The following LIPA variants were observed in gnomAD, a reference collection of about 807,000 sequenced individuals.
LIPA encodes lipase A, lysosomal acid type.
A neutral mutation model predicts 40.6 loss-of-function variants in LIPA; 26 were observed. The ratio of observed to expected loss-of-function variants is 0.64; its 90% CI spans 0.47 to 0.89. LIPA has a LOEUF of 0.89. Among genes scored for constraint, LIPA ranks in the 40% least tolerant of loss-of-function variants. The probability of loss-of-function intolerance (pLI) is 0.00; values close to 1 mark genes in which losing one functional copy is unlikely to be tolerated. For synonymous variants in LIPA, 188 were observed against 168.4 expected, an observed-to-expected ratio of 1.12 and a Z score of -0.90; for missense variants, 455 against 479.6, an observed-to-expected ratio of 0.95 and a Z score of 0.48.
chr10:89,316,926 C>G (rs372619061), intron 1 of LIPA, among the ~76,000 whole-genome samples: 2 of 152,258 alleles, frequency 1.3e-5, no homozygotes, highest in East Asian at 3.9e-4. Context: ...GCAGCCTCCA[C>G]TGGTGATACC....
intron 1 of LIPA, chr10:89,339,280 G>A (rs142127477): frequency 9.4e-5 from 151 of 1,614,012 alleles, no homozygotes; most frequent in East Asian, 7.3e-4. Context: ...TAACCAATAC[G>A]TCAAGGTTCT....
chr10:89,247,635 A>G lies in LIPA; in HGVS notation c.14T>C (p.Phe5Ser). ...AACCAAACAGACCACCAACCCCAAG[A>G]ACCGCATTTTCATTCTGTATAATAA... The part of the protein sequence containing the change: MKMR[F>S]LGLVVCLVLW... The change falls in exon 2 of 10, where the codon TTC becomes TCC. Residue 5 changes from phenylalanine (F) to serine (S), a missense_variant. Physicochemically the swap from Phe to Ser is radical, Grantham distance 155. Transcript: ENST00000336233. 1 of 1,609,902 alleles carries G rather than the reference A, an allele frequency of 6.2e-7. No homozygotes were observed. The highest frequency in any genetic ancestry group is 8.5e-7 in the Non-Finnish European group (1 of 1,176,290).
intron 1 of LIPA, among the ~76,000 whole-genome samples, chr10:89,314,980 C>A (rs1843534540): frequency 6.6e-6 from 1 of 152,190 alleles, no homozygotes; most frequent in African/African-American, 2.4e-5. Flanking sequence ...AGCTCCCTCA[C>A]AATGCACAAA....
At chr10:89,359,772 G>A (rs577165266) in intron 2 of LIPA, among the ~76,000 whole-genome samples, 1 of 151,600 alleles carries the variant, frequency 6.6e-6, no homozygotes, top group South Asian at 2.1e-4. Flanking sequence ...CCCATCCACT[G>A]AAGGCCTGGA....
chr10:89,365,390 T>C (rs1844049332), intron 2 of LIPA, among the ~76,000 whole-genome samples: 1 of 152,228 alleles, frequency 6.6e-6, no homozygotes, highest in Non-Finnish European at 1.5e-5. Context: ...TTTTCTCCCA[T>C]TCTGTAGGTT....
chr10:89,271,668 C>T (rs1843266179), intron 1 of LIPA, among the ~76,000 whole-genome samples: 1 of 152,018 alleles, frequency 6.6e-6, no homozygotes, highest in Non-Finnish European at 1.5e-5. Context: ...TGGCAGTGAC[C>T]CTTTAAGAAT....
intron 1 of LIPA, among the ~76,000 whole-genome samples, chr10:89,298,433 G>A (rs1406392012): frequency 6.6e-6 from 1 of 152,142 alleles, no homozygotes; most frequent in Non-Finnish European, 1.5e-5. Context: ...CAAATAAATT[G>A]TACAGAGGCT....
At chr10:89,382,342 A>G (rs1844169574) in intron 2 of LIPA, among the ~76,000 whole-genome samples, 1 of 152,242 alleles carries the variant, frequency 6.6e-6, no homozygotes, top group African/African-American at 2.4e-5. Flanking sequence ...ATACTTACAT[A>G]GGATGTGAGG....
At chr10:89,412,627 G>A (rs902468060) in intron 2 of LIPA, 2 of 262,056 alleles carry the variant, frequency 7.6e-6, no homozygotes, top group South Asian at 6.1e-5. Flanking sequence ...TTTATGAGCT[G>A]TAACACTCAC....
At chr10:89,344,739 C>T (rs1223452810), upstream of LIPA, among the ~76,000 whole-genome samples, 1 of 152,032 alleles carries the variant, frequency 6.6e-6, no homozygotes, top group Non-Finnish European at 1.5e-5. Flanking sequence ...ACATAGTTCT[C>T]AAAGAATTTC....
At chr10:89,225,019 T>A (rs2133429139) in intron 6 of LIPA, 73 bp downstream of exon 6, 1 of 1,543,498 alleles carries the variant, frequency 6.5e-7, no homozygotes, top group South Asian at 1.1e-5. Context: ...AGATTATCCC[T>A]CCCCTTGCCA....
rs1843218671 is a variant in LIPA at position 89,262,968 on chromosome 10, A to G, written c.-1-15319T>C. Among the ~76,000 whole-genome samples, 3 of 152,228 alleles carry G rather than the reference A, an allele frequency of 2.0e-5. No individual in the cohort carries two copies. The South Asian group carries it at 6.2e-4, about 32-fold the overall frequency. On this transcript the variant is annotated intron_variant, in intron 1 of 5. Coordinates refer to the LIPA transcript ENST00000282673. ...AGTTGTTGGAGTTACTTTAAAACAT[A>G]CTAACATGTTGCTGTTGGCAGCTGA...
Position 89,383,591 on chromosome 10 carries a change from G to A in LIPA, c.61+29200C>T. ...GAACATGCCAACCAAGCAGATATTA[G>A]AAGTCTGGTGACCTGGGGCAACTTT... is the stretch of plus-strand genomic sequence containing the variant. On this transcript the variant is annotated intron_variant, in intron 2 of 8. Coordinates refer to the LIPA transcript ENST00000371837. 2 of 1,614,214 alleles carry A rather than the reference G, an allele frequency of 1.2e-6. No homozygotes were observed.
upstream of LIPA, chr10:89,252,148 G>A (rs1273410679): frequency 1.3e-5 from 2 of 152,258 alleles, no homozygotes; most frequent in African/African-American, 4.8e-5. Context: ...CTGACAGAGA[G>A]CATGTGGGCT....
intron 2 of LIPA, among the ~76,000 whole-genome samples, chr10:89,410,820 C>CA: frequency 6.6e-6 from 1 of 152,068 alleles, no homozygotes; most frequent in Non-Finnish European, 1.5e-5. Flanking sequence ...CTGAAGCCAT[C>CA]AAAAGGTGAA....
At chr10:89,265,530 C>G (rs924412072) in intron 1 of LIPA, among the ~76,000 whole-genome samples, 1 of 152,240 alleles carries the variant, frequency 6.6e-6, no homozygotes, top group African/African-American at 2.4e-5. Flanking sequence ...CCAAGTGATA[C>G]AGAAAAGATG....
At chr10:89,358,028 G>A (rs1441102124) in intron 2 of LIPA, among the ~76,000 whole-genome samples, 5 of 151,976 alleles carry the variant, frequency 3.3e-5, no homozygotes, top group Admixed American at 1.3e-4. Context: ...TCAGGAGAAG[G>A]ATAACTGAGA....
chr10:89,381,569 T>C (rs911555553), intron 2 of LIPA, among the ~76,000 whole-genome samples: 1 of 152,070 alleles, frequency 6.6e-6, no homozygotes, highest in African/African-American at 2.4e-5. Context: ...AGAAGATGGC[T>C]TGGGATTGTG....
At chr10:89,215,179 T>A in intron 9 of LIPA, 118 bp from the exon 10 acceptor site, 1 of 789,576 alleles carries the variant, frequency 1.3e-6, no homozygotes. Flanking sequence ...CAGACTAAAT[T>A]TTTAAAATCT....
Sources: allele counts gnomAD v4.1 joint callset (sites outside exome capture counted in the v4.1 genomes callset), GRCh38; gene constraint gnomAD v4.1.1; transcripts MANE v1.5; gene names NCBI Gene and HGNC (gene_info 2026-07-23, HGNC 2026-07-21).